The following USP12 variants were observed in gnomAD, a reference collection of about 807,000 sequenced individuals.
The protein encoded by USP12 is ubiquitin carboxyl-terminal hydrolase 12.
A neutral mutation model predicts 45.5 loss-of-function variants in USP12; 19 were observed. The observed-to-expected ratio is 0.42, with a 90% CI of 0.29 to 0.61. USP12 has a LOEUF of 0.61. USP12 is among the 20% of genes least tolerant of loss of function. The probability of loss-of-function intolerance (pLI) is 0.22; values close to 1 mark genes in which losing one functional copy is unlikely to be tolerated. For missense variants in USP12, 242 were observed against 447.7 expected (o/e 0.54, Z 4.15); for synonymous variants, 149 against 148.8 (o/e 1.00, Z -0.01).
rs138652562 is a variant in USP12 at position 27,161,124 on chromosome 13, C to A, written c.48+10468G>T. ...AACTTCAAAGTCCCAGCTACTACCC[C>A]CAAGGTACCACCTTAACCATCCTGC... On this transcript the variant is annotated intron_variant, in intron 1 of 8. Coordinates refer to ENST00000282344, the MANE Select transcript of USP12 (RefSeq NM_182488.4). Among the ~76,000 whole-genome samples the A allele has an allele frequency of 4.3e-4, 66 of 152,294 alleles. No homozygotes were observed. In the East Asian group the frequency reaches 0.012, roughly 27 times the overall value.
At chr13:27,086,197 A>AATATATATATATATAT (rs1555233236) in intron 6 of USP12, among the ~76,000 whole-genome samples, 38 of 56,902 alleles carry the variant, frequency 6.7e-4, no homozygotes, top group Admixed American at 8.2e-4. Context: ...AAAAAAAAAA[A>AATATATATATATATAT]ATATATATAT....
At chr13:27,130,371 G>A (rs181769734) in intron 1 of USP12, among the ~76,000 whole-genome samples, 89 of 152,128 alleles carry the variant, frequency 5.9e-4, no homozygotes, top group Admixed American at 1.4e-3. Flanking sequence ...AGAAACTTCA[G>A]TGACCACACA....
rs151069795 is a variant in USP12, at chr13:27,108,300, G to A, written c.130-2356C>T. 3.2e-3 allele frequency among the ~76,000 whole-genome samples: 480 copies of A among 151,696 alleles called. 2 individuals carry two copies. Among genetic ancestry groups the A allele is most frequent in the Non-Finnish European group, 3.6e-3 (248 of 67,948 alleles). On this transcript the variant is annotated intron_variant, in intron 2 of 8. Coordinates refer to ENST00000282344, the MANE Select transcript of USP12 (RefSeq NM_182488.4). ...TCGCAAGGACAAAAAACCAAACACC[G>A]CATGTTCTTACTCATAGATGGGAAT...
chr13:27,095,184 T>C (rs1195912617), intron 4 of USP12, among the ~76,000 whole-genome samples: 1 of 152,158 alleles, frequency 6.6e-6, no homozygotes, highest in Non-Finnish European at 1.5e-5. Flanking sequence ...AGTGGGATTT[T>C]TTCCCCTCCT....
At chr13:27,159,384 T>G (rs1877998722) in intron 1 of USP12, among the ~76,000 whole-genome samples, 1 of 152,230 alleles carries the variant, frequency 6.6e-6, no homozygotes, top group African/African-American at 2.4e-5. Flanking sequence ...CCTAAAAATG[T>G]CAGGAAGAAA....
intron 6 of USP12, 145 bp downstream of exon 6, chr13:27,089,738 A>G: frequency 1.4e-6 from 1 of 710,922 alleles, no homozygotes; most frequent in Non-Finnish European, 2.3e-6. Flanking sequence ...TTTACCTAGT[A>G]ATACTTAATG....
At chr13:27,076,397 T>C (rs901694238) in intron 6 of USP12, among the ~76,000 whole-genome samples, 4 of 152,192 alleles carry the variant, frequency 2.6e-5, no homozygotes, top group Non-Finnish European at 5.9e-5. Context: ...CTACTTCACC[T>C]AAAAATCTAT....
At chr13:27,124,751 A>G (rs544240399) in intron 1 of USP12, among the ~76,000 whole-genome samples, 11 of 152,256 alleles carry the variant, frequency 7.2e-5, no homozygotes, top group Non-Finnish European at 1.6e-4. Flanking sequence ...AGCTGTAAAA[A>G]GATGAATCCA....
intron 6 of USP12, among the ~76,000 whole-genome samples, chr13:27,081,958 C>T (rs933037390): frequency 2.0e-5 from 3 of 152,132 alleles, no homozygotes; most frequent in Non-Finnish European, 4.4e-5. Flanking sequence ...GTCATCCAGG[C>T]TTTGTTTCTT....
chr13:27,152,584 T>C (rs546639335), intron 1 of USP12, among the ~76,000 whole-genome samples: 33 of 152,318 alleles, frequency 2.2e-4, no homozygotes, highest in African/African-American at 5.8e-4. Flanking sequence ...AGCCACTAAA[T>C]TGTACACTTT....
At position 27,105,807 on chromosome 13, in the gene USP12, A is replaced by G. The variant is rs925204745; in HGVS notation, c.267T>C (p.His89=). ...CCTTTTTCTTCTGAGTGGCTATGCT[A>G]TGGAAGAGATCTGCTAAGCATGTAA... The part of the protein sequence containing the change: ...SLLTCLADLF[H]SIATQKKKVG... The change falls in exon 3 of 9, where the codon CAT becomes CAC. Residue 89 remains histidine, a synonymous_variant. Coordinates refer to ENST00000282344, the MANE Select transcript of USP12 (RefSeq NM_182488.4). 4 of 1,613,738 alleles carry G rather than the reference A, an allele frequency of 2.5e-6. No individual in the cohort carries two copies. Among genetic ancestry groups the G allele is most frequent in the Middle Eastern group, 1.6e-4 (1 of 6,074 alleles).
At chr13:27,085,353 G>T (rs1273646062) in intron 6 of USP12, among the ~76,000 whole-genome samples, 1 of 151,922 alleles carries the variant, frequency 6.6e-6, no homozygotes, top group Non-Finnish European at 1.5e-5. Context: ...GCTAATTTTT[G>T]TATTTTCAGT....
At chr13:27,072,651 A>G (rs1427082820) in intron 7 of USP12, among the ~76,000 whole-genome samples, 5 of 152,186 alleles carry the variant, frequency 3.3e-5, no homozygotes, top group Non-Finnish European at 5.9e-5. Flanking sequence ...ATATGATATA[A>G]AAGTAGAGCC....
At chr13:27,149,025 A>G (rs983341188) in intron 1 of USP12, among the ~76,000 whole-genome samples, 1 of 151,900 alleles carries the variant, frequency 6.6e-6, no homozygotes, top group African/African-American at 2.4e-5. Context: ...TCCACCAAAA[A>G]TACAAAACAT....
intron 4 of USP12, 21 bp from the exon 5 acceptor site, chr13:27,090,179 C>G: frequency 6.4e-7 from 1 of 1,557,772 alleles, no homozygotes; most frequent in Non-Finnish European, 8.8e-7. Flanking sequence ...AGTGAATTGT[C>G]TTTGATTTTT....
chr13:27,145,608 C>T (rs1266819488), intron 1 of USP12, among the ~76,000 whole-genome samples: 2 of 152,192 alleles, frequency 1.3e-5, no homozygotes, highest in Non-Finnish European at 2.9e-5. Flanking sequence ...CTGCTCATCA[C>T]TGTGAAATAT....
At position 27,163,016 on chromosome 13, in the gene USP12, TAAC is replaced by T. The variant is rs1156404638; in HGVS notation, c.48+8573_48+8575del. ...GTTGGCTCTTAAACAAGGAGGCCCT[TAAC>T]AAGTTTTAACAACCCACTGAACTGT... On this transcript the variant is annotated intron_variant, in intron 1 of 8. Transcript: ENST00000282344. 4 of 152,318 alleles carry T rather than the reference TAAC, an allele frequency of 2.6e-5. No individual in the cohort carries two copies. In the East Asian group the frequency reaches 7.7e-4, roughly 29 times the overall value. The allele number at this position is 152,318 out of a possible 1,614,324, so 9.4% of individuals were successfully genotyped here. A position where few individuals can be genotyped will look rare whatever the true frequency, so the allele number is the denominator to read the frequency against.
intron 2 of USP12, among the ~76,000 whole-genome samples, chr13:27,114,538 A>C (rs1421145615): frequency 6.6e-6 from 1 of 152,218 alleles, no homozygotes; most frequent in Non-Finnish European, 1.5e-5. Context: ...TTGTATCTAC[A>C]GGAGATAAGC....
At chr13:27,089,697 T>A in intron 6 of USP12, 186 bp downstream of exon 6, 1 of 576,332 alleles carries the variant, frequency 1.7e-6, no homozygotes, top group Non-Finnish European at 3.0e-6. Context: ...GGTACACAGT[T>A]TTTGTAAAAT....
Sources: allele counts gnomAD v4.1 joint callset (sites outside exome capture counted in the v4.1 genomes callset), GRCh38; gene constraint gnomAD v4.1.1; transcripts MANE v1.5; gene names NCBI Gene and HGNC (gene_info 2026-07-23, HGNC 2026-07-21).